The following HUWE1 variants were observed in gnomAD, a reference collection of about 807,000 sequenced individuals.
The protein encoded by HUWE1 is E3 ubiquitin-protein ligase HUWE1.
Under a neutral mutation model 299.4 loss-of-function variants are expected in HUWE1, and 18 were observed. The observed-to-expected ratio is 0.06, with a 90% CI of 0.04 to 0.09. The LOEUF is 0.09. HUWE1 is among the 10% of genes least tolerant of loss of function. The pLI is 1.00. For synonymous variants in HUWE1, 1,317 were observed against 1,286.1 expected (o/e 1.02, Z -0.51); for missense variants, 1,832 against 3,462.3 (o/e 0.53, Z 11.82).
chrX:53,587,943 A>G (rs2063943599), intron 37 of HUWE1, among the ~76,000 whole-genome samples: 1 of 112,059 alleles, frequency 8.9e-6, no homozygotes, highest in Non-Finnish European at 1.9e-5. Flanking sequence ...GATTTCATCT[A>G]ATGTCTATTA....
At chrX:53,665,253 G>A (rs1163644791) in intron 3 of HUWE1, among the ~76,000 whole-genome samples, 1 of 112,013 alleles carries the variant, frequency 8.9e-6, no homozygotes, top group Non-Finnish European at 1.9e-5. Flanking sequence ...GGCACTGACA[G>A]TAAAGTGTCA....
intron 43 of HUWE1, among the ~76,000 whole-genome samples, chrX:53,580,485 C>T (rs1278071760): frequency 7.1e-5 from 8 of 112,270 alleles, no homozygotes; most frequent in Non-Finnish European, 1.5e-4. Flanking sequence ...ACGTCTATTT[C>T]GCACTGTGTT....
At chrX:53,576,061 C>G (rs1015070203) in intron 44 of HUWE1, among the ~76,000 whole-genome samples, 6 of 112,014 alleles carry the variant, frequency 5.4e-5, no homozygotes, top group Non-Finnish European at 1.1e-4. Flanking sequence ...AGTGGTGGGT[C>G]AATAAATGGT....
At chrX:53,602,718 C>G (rs782500456) in intron 27 of HUWE1, 60 bp from the exon 28 acceptor site, 2 of 614,820 alleles carry the variant, frequency 3.3e-6, no homozygotes, top group South Asian at 3.1e-5. Context: ...GATAATTCAC[C>G]TCTTATATTG....
intron 7 of HUWE1, among the ~76,000 whole-genome samples, chrX:53,642,121 A>AAC (rs1557031702): frequency 6.3e-5 from 7 of 111,688 alleles, no homozygotes; most frequent in Non-Finnish European, 9.4e-5. Context: ...ATCTTATTGT[A>AAC]TTATACTGCA....
chrX:53,675,607 G>C (rs192863089), intron 3 of HUWE1, among the ~76,000 whole-genome samples: 9 of 110,559 alleles, frequency 8.1e-5, no homozygotes, highest in African/African-American at 2.6e-4. Flanking sequence ...CTTATACTTA[G>C]CAACATTCAG....
intron 52 of HUWE1, 88 bp from the exon 53 acceptor site, chrX:53,563,017 G>T: frequency 1.3e-6 from 1 of 756,102 alleles, no homozygotes; most frequent in Non-Finnish European, 2.0e-6. Flanking sequence ...TGTACACCTA[G>T]CAGATATCCA....
At chrX:53,684,352 T>C (rs1292413615) in intron 2 of HUWE1, among the ~76,000 whole-genome samples, 1 of 111,818 alleles carries the variant, frequency 8.9e-6, no homozygotes, top group African/African-American at 3.3e-5. Context: ...TTCATGAAAA[T>C]GACTGGGAGT....
chrX:53,645,501 G>C, intron 6 of HUWE1, 38 bp from the exon 7 acceptor site: 1 of 1,182,969 alleles, frequency 8.5e-7, no homozygotes, highest in Non-Finnish European at 1.1e-6. Context: ...AAGGTATCAG[G>C]CACAACTGGC....
chrX:53,604,156 C>T (rs782728293), intron 26 of HUWE1, among the ~76,000 whole-genome samples: 1 of 111,951 alleles, frequency 8.9e-6, no homozygotes, highest in African/African-American at 3.2e-5. Flanking sequence ...AGGACATACA[C>T]AAAATGCCTT....
chrX:53,543,343 G>A (rs1242933395), intron 73 of HUWE1, among the ~76,000 whole-genome samples: 8 of 110,587 alleles, frequency 7.2e-5, no homozygotes, highest in African/African-American at 2.6e-4. Context: ...AGTACCTGAA[G>A]GTTTCCTCCT....
At chrX:53,627,628 T>C (rs2066606891) in intron 16 of HUWE1, 111 bp downstream of exon 16, 25 of 866,192 alleles carry the variant, frequency 2.9e-5, no homozygotes, top group Non-Finnish European at 3.8e-5. Context: ...ACACAGTTGA[T>C]TTCTAGAAAC....
In HUWE1 at chrX:53,533,137, A is replaced by C; in HGVS notation, c.*172T>G. 1 of 454,284 alleles carries C rather than the reference A, an allele frequency of 2.2e-6. No individual in the cohort carries two copies. Among genetic ancestry groups the C allele is most frequent in the Admixed American group, 3.8e-5 (1 of 26,430 alleles). 37.4% of individuals were successfully genotyped at this position (454,284 alleles called of 1,213,427 possible). A position where few individuals can be genotyped will look rare whatever the true frequency, so the allele number is the denominator to read the frequency against. ...GGAAACAGGCGGCGGGGAGAGAATG[A>C]GAAGAGGAACAGGTATGCGCTGGGG... On this transcript the variant is annotated 3_prime_UTR_variant, in exon 84 of 84. Transcript: ENST00000262854.
chrX:53,643,133 T>C (rs2067718422), intron 7 of HUWE1, among the ~76,000 whole-genome samples: 1 of 112,270 alleles, frequency 8.9e-6, no homozygotes, highest in Non-Finnish European at 1.9e-5. Flanking sequence ...AGCCTGGAGC[T>C]ATGTGTTTTT....
chrX:53,673,456 G>A (rs1557050119), intron 3 of HUWE1, among the ~76,000 whole-genome samples: 1 of 111,361 alleles, frequency 9.0e-6, no homozygotes, highest in Non-Finnish European at 1.9e-5. Context: ...ACAGCCTGAA[G>A]GTAATTTTAC....
intron 3 of HUWE1, among the ~76,000 whole-genome samples, chrX:53,671,480 T>C (rs1170645691): frequency 9.0e-6 from 1 of 111,330 alleles, no homozygotes; most frequent in East Asian, 2.8e-4. Context: ...TACAATAAAA[T>C]ACAATGTAGC....
chrX:53,615,434 TC>T (rs1440269738), intron 22 of HUWE1, among the ~76,000 whole-genome samples: 1 of 110,330 alleles, frequency 9.1e-6, no homozygotes, highest in Non-Finnish European at 1.9e-5. Context: ...CACCATGTTG[TC>T]CAGGCTGGTC....
intron 58 of HUWE1, 71 bp from the exon 59 acceptor site, chrX:53,558,880 T>C: frequency 5.9e-6 from 7 of 1,182,246 alleles, no homozygotes; most frequent in East Asian, 5.9e-5. Flanking sequence ...GCAGAGCTTG[T>C]AGCCACAGAG....
At position 53,589,134 on chromosome X, in the gene HUWE1, C is replaced by G. The variant is rs188103542; in HGVS notation, c.4461+413G>C. On this transcript the variant is annotated intron_variant, in intron 36 of 83. Coordinates refer to ENST00000262854, the MANE Select transcript of HUWE1 (RefSeq NM_031407.7). The stretch of plus-strand genomic sequence containing the variant: ...ATTTAAGGTAATTCCTTTCTTATCC[C>G]ACTTCTATAATTAGCATAATTTCAT... Among the ~76,000 whole-genome samples, 288 of 50,666 alleles carry G rather than the reference C, an allele frequency of 5.7e-3. 1 individual carries two copies. The highest frequency in any genetic ancestry group is 0.045 in the Middle Eastern group (3 of 66). The allele number at this position is 50,666 out of a possible 115,157, so 44.0% of individuals were successfully genotyped here.
Sources: gnomAD v4.1 joint callset for allele counts (sites outside exome capture counted in the v4.1 genomes callset) on GRCh38, gnomAD v4.1.1 for gene constraint, MANE v1.5 for transcripts, NCBI Gene and HGNC (gene_info 2026-07-23, HGNC 2026-07-21) for gene names.